SLC26A5: variants seen among roughly 807,000 people sequenced by gnomAD.
The protein encoded by SLC26A5 is solute carrier family 26 member 5, also known as prestin.
A neutral mutation model predicts 81.0 loss-of-function variants in SLC26A5; 51 were observed. That is an observed-to-expected ratio of 0.63 (90% CI 0.50 to 0.80). The LOEUF (loss-of-function observed/expected upper bound fraction) is 0.80, where lower values mean the gene tolerates loss of function less well. Among genes scored for constraint, SLC26A5 ranks in the 30% least tolerant of loss-of-function variants. SLC26A5 has a pLI of 0.00. For missense variants in SLC26A5, 771 were observed against 905.8 expected, an observed-to-expected ratio of 0.85 and a Z score of 1.91; for synonymous variants, 325 against 332.8, an observed-to-expected ratio of 0.98 and a Z score of 0.25.
At chr7:103,354,708 G>A in intron 19 of SLC26A5, 1 of 586,996 alleles carries the variant, frequency 1.7e-6, no homozygotes, top group Non-Finnish European at 3.0e-6. Flanking sequence ...AGTGGATTGT[G>A]TATTTAGGGG....
chr7:103,375,293 T>G (rs962694789), intron 19 of SLC26A5, among the ~76,000 whole-genome samples: 1 of 151,980 alleles, frequency 6.6e-6, no homozygotes, highest in African/African-American at 2.4e-5. Context: ...TACTTGAGTT[T>G]TTTGTTTTAT....
Position 103,410,538 on chromosome 7 carries a change from A to G in SLC26A5, c.582T>C (p.Gly194=). 6.2e-7 allele frequency: 1 copy of G among 1,612,670 alleles called. No homozygotes were observed. Among genetic ancestry groups the G allele is most frequent in the Non-Finnish European group, 8.5e-7 (1 of 1,179,232 alleles). ...TGGCCACAAATCCAAACCTACAGAC[A>G]CCTAGGCAAAACTATTTTTTTTTAA... ...LLSGIIQFCL[G]VCRFGFVAIY... is the part of the protein sequence containing the mutation. Residue 194 remains glycine, a synonymous_variant, in exon 7 of 20, where the codon GGT becomes GGC. Coordinates refer to ENST00000306312, the MANE Select transcript of SLC26A5 (RefSeq NM_198999.3).
chr7:103,426,869 T>A lies in SLC26A5; in HGVS notation c.-53-5302A>T, dbSNP rs561301614. On this transcript the variant is annotated intron_variant, in intron 2 of 19. Transcript: ENST00000306312. ...GCTTCCAGTGTGCTGATTGAAATTATAAATCACCAAATTGTAAAAGTACAC... is the reference window on the plus strand; with the variant it reads ...GCTTCCAGTGTGCTGATTGAAATTAAAAATCACCAAATTGTAAAAGTACAC... 2.0e-5 allele frequency among the ~76,000 whole-genome samples: 3 copies of A among 152,270 alleles called. No homozygotes were observed. The East Asian group carries it at 5.8e-4, about 29-fold the overall frequency.
At chr7:103,371,404 A>C (rs1395073031), downstream of SLC26A5, among the ~76,000 whole-genome samples, 2 of 150,180 alleles carry the variant, frequency 1.3e-5, no homozygotes, top group Admixed American at 6.6e-5. Flanking sequence ...GGCTCACTGC[A>C]AGCTCCGCCT....
rs1040158857 is a variant in SLC26A5, at chr7:103,393,043, T to C, written c.995A>G (p.Asp332Gly). The change falls in exon 10 of 20, where the codon GAC becomes GGC. Residue 332 changes from aspartate to glycine, a missense_variant. Asp to Gly is a moderately conservative substitution (Grantham distance 94). Transcript: ENST00000306312. The stretch of plus-strand genomic sequence containing the variant: ...GTACACAAGGTGGAAGAGGCTGGTG[T>C]CCGGATTGGCTGGAGGTAGCAGCCT... ...PLGLLPPANP[D>G]TSLFHLVYVD... 1.9e-6 allele frequency: 3 copies of C among 1,613,960 alleles called. No homozygotes were observed. Among genetic ancestry groups the C allele is most frequent in the African/African-American group, 2.7e-5 (2 of 75,030 alleles).
intron 2 of SLC26A5, among the ~76,000 whole-genome samples, chr7:103,425,122 T>TAAAC (rs1825622933): frequency 6.6e-6 from 1 of 152,196 alleles, no homozygotes; most frequent in African/African-American, 2.4e-5. Context: ...TCTGAGAGTA[T>TAAAC]AAACACAAGA....
chr7:103,374,287 G>T lies in SLC26A5; in HGVS notation c.*112C>A. On this transcript the variant is annotated 3_prime_UTR_variant, in exon 20 of 20. Transcript: ENST00000306312. The stretch of plus-strand genomic sequence containing the variant: ...GTCATTCACCCTCCAAATCAAGCCT[G>T]GACTACTAGTATTCACCCTTAGAAA... 1 of 1,526,444 alleles carries T rather than the reference G, an allele frequency of 6.6e-7. No individual in the cohort carries two copies. The highest frequency in any genetic ancestry group is 8.8e-7 in the Non-Finnish European group (1 of 1,137,694). The allele number at this position is 1,526,444 out of a possible 1,614,324, so 94.6% of individuals were successfully genotyped here. A position where few individuals can be genotyped will look rare whatever the true frequency, so the allele number is the denominator to read the frequency against.
Position 103,367,850 on chromosome 7 carries a change from C to T in SLC26A5, c.2041+8958G>A, listed in dbSNP as rs1820796340. On this transcript the variant is annotated intron_variant, in intron 19 of 19. Coordinates refer to the SLC26A5 transcript ENST00000339444. The surrounding 1 kb of genome is among the most constrained non-coding windows in gnomAD (Gnocchi z 6.1). Reference sequence around the variant, plus strand: ...TTGCTTATATTTGCTGGTCTGTCTGCTCAGGCTGCTTTAATTAAGCCCGTT... The same window carrying T: ...TTGCTTATATTTGCTGGTCTGTCTGTTCAGGCTGCTTTAATTAAGCCCGTT... 3 of 1,612,522 alleles carry T rather than the reference C, an allele frequency of 1.9e-6. No individual in the cohort carries two copies.
rs1265579368 is a variant in SLC26A5 at position 103,388,836 on chromosome 7, G to A, written c.1514+172C>T. On this transcript the variant is annotated intron_variant, in intron 14 of 19. Coordinates refer to ENST00000306312, the MANE Select transcript of SLC26A5 (RefSeq NM_198999.3). Reference sequence around the variant, plus strand: ...CAAAATTATATGGAATTTTTAAATTGGCATTTTGTTCATCTAGTCAACAGG... The same window carrying A: ...CAAAATTATATGGAATTTTTAAATTAGCATTTTGTTCATCTAGTCAACAGG... 4.9e-6 allele frequency: 3 copies of A among 610,310 alleles called. No individual in the cohort carries two copies. In the African/African-American group the frequency reaches 5.5e-5, roughly 11 times the overall value. The allele number at this position is 610,310 out of a possible 1,614,324, so 37.8% of individuals were successfully genotyped here.
rs1822801960 is a variant in SLC26A5 at position 103,393,059 on chromosome 7, G to GT, written c.978dup (p.Pro327ThrfsTer38). The GT allele has an allele frequency of 1.9e-6, 3 of 1,613,934 alleles. No individual in the cohort carries two copies. Among genetic ancestry groups the GT allele is most frequent in the Non-Finnish European group, 2.5e-6 (3 of 1,179,846 alleles). On this transcript the variant is annotated frameshift_variant, in exon 10 of 20. Transcript: ENST00000306312. LOFTEE classifies it high-confidence loss of function. ...AGGCTGGTGTCCGGATTGGCTGGAG[G>GT]TAGCAGCCTGAAAAGTCAAGCTGCC...
chr7:103,398,002 T>C lies in SLC26A5; in HGVS notation c.901A>G (p.Thr301Ala). The change falls in exon 9 of 20, where the codon ACT (threonine) becomes GCT (alanine). Residue 301 changes from threonine (T) to alanine (A), a missense_variant. By Grantham distance (58) the Thr-to-Ala change is moderately conservative (BLOSUM62 0). Coordinates refer to ENST00000306312, the MANE Select transcript of SLC26A5 (RefSeq NM_198999.3). ...AAGTTAAACCCAGCTGAAATGCCAG[T>C]TCCCATTACGACCTAAAAAGACACA... Reference protein sequence around the residue: ...PLEFFAVVMGTGISAGFNLKE... With the variant: ...PLEFFAVVMGAGISAGFNLKE... The C allele has an allele frequency of 6.2e-7, 1 of 1,613,976 alleles. No individual in the cohort carries two copies. Among genetic ancestry groups the C allele is most frequent in the Non-Finnish European group, 8.5e-7 (1 of 1,179,924 alleles).
chr7:103,405,554 G>C (rs1823975906), intron 8 of SLC26A5, among the ~76,000 whole-genome samples: 1 of 152,184 alleles, frequency 6.6e-6, no homozygotes, highest in South Asian at 2.1e-4. Flanking sequence ...CCTTCCTCCA[G>C]AAGCTTTGTC....
At chr7:103,361,352 A>G (rs1011162830) in intron 19 of SLC26A5, among the ~76,000 whole-genome samples, 3 of 149,732 alleles carry the variant, frequency 2.0e-5, no homozygotes, top group African/African-American at 7.4e-5. Flanking sequence ...AAAAAAAAAA[A>G]ATACAAAATT....
At chr7:103,378,280 T>A (rs1821505345) in intron 17 of SLC26A5, among the ~76,000 whole-genome samples, 166 bp downstream of exon 17, 1 of 152,222 alleles carries the variant, frequency 6.6e-6, no homozygotes, top group Non-Finnish European at 1.5e-5. Flanking sequence ...AACAGCCTCA[T>A]AACTGACCTT....
intron 6 of SLC26A5, among the ~76,000 whole-genome samples, chr7:103,411,074 C>G (rs1824447731): frequency 6.6e-6 from 1 of 152,130 alleles, no homozygotes; most frequent in Non-Finnish European, 1.5e-5. Flanking sequence ...CCTTCCCTGT[C>G]TCTCATTGAG....
At chr7:103,445,858 G>A (rs1424504954) in intron 1 of SLC26A5, 1 of 152,874 alleles carries the variant, frequency 6.5e-6, no homozygotes, top group Non-Finnish European at 1.5e-5. Flanking sequence ...AAGGGGACAG[G>A]GGTTGCAAAG....
At chr7:103,412,232 T>C (rs1824542171) in intron 5 of SLC26A5, among the ~76,000 whole-genome samples, 1 of 152,228 alleles carries the variant, frequency 6.6e-6, no homozygotes, top group Non-Finnish European at 1.5e-5. Flanking sequence ...AGTATGTGTG[T>C]GTTAGGTAGT....
chr7:103,396,949 G>A (rs1823156207), intron 9 of SLC26A5, among the ~76,000 whole-genome samples: 1 of 150,870 alleles, frequency 6.6e-6, no homozygotes, highest in African/African-American at 2.4e-5. Context: ...ATAAAAATTA[G>A]TTGGATGTGG....
At chr7:103,364,981 A>ATATATATT (rs950613120) in intron 19 of SLC26A5, among the ~76,000 whole-genome samples, 23 of 140,550 alleles carry the variant, frequency 1.6e-4, no homozygotes, top group African/African-American at 1.3e-4. Context: ...ATATATATAT[A>ATATATATT]TATTTAGAGA....
Sources: gnomAD v4.1 joint callset for allele counts (sites outside exome capture counted in the v4.1 genomes callset) on GRCh38, gnomAD v4.1.1 for gene constraint, Gnocchi (gnomAD v3.1) non-coding constraint, MANE v1.5 for transcripts, NCBI Gene and HGNC (gene_info 2026-07-23, HGNC 2026-07-21) for gene names.